CUX1: variants seen among roughly 807,000 people sequenced by gnomAD.
CUX1 encodes the protein cut like homeobox 1.
In CUX1, 31 loss-of-function variants were observed where a neutral mutation model predicts 158.8. That is an observed-to-expected ratio of 0.20 (90% CI 0.15 to 0.26). The LOEUF is 0.26. CUX1 is among the 10% of genes least tolerant of loss of function. CUX1 has a pLI of 1.00. For missense variants in CUX1, 1,589 were observed against 2,014.6 expected, an observed-to-expected ratio of 0.79 and a Z score of 4.04; for synonymous variants, 879 against 862.1, an observed-to-expected ratio of 1.02 and a Z score of -0.34.
At position 102,219,285 on chromosome 7, in the gene CUX1, G is replaced by T. The variant is rs898023494; in HGVS notation, c.3131-8082G>T. Among the ~76,000 whole-genome samples the T allele has an allele frequency of 2.0e-5, 3 of 151,994 alleles. No homozygotes were observed. The East Asian group carries it at 5.8e-4, about 29-fold the overall frequency. On this transcript the variant is annotated intron_variant, in intron 20 of 23. Coordinates refer to ENST00000292535, the MANE Select transcript of CUX1 (RefSeq NM_181552.4). ...TGGCACCCATTGGTGGGGGTGGGGG[G>T]GACATTGATCTTTCCTGGAGTGGGG...
chr7:102,042,941 C>T (rs1475986392), intron 3 of CUX1, among the ~76,000 whole-genome samples: 1 of 151,952 alleles, frequency 6.6e-6, no homozygotes, highest in Non-Finnish European at 1.5e-5. Context: ...AGGCTCCTGG[C>T]CAGGCTAATT....
chr7:101,867,568 A>G (rs1798062367), intron 1 of CUX1, among the ~76,000 whole-genome samples: 1 of 152,204 alleles, frequency 6.6e-6, no homozygotes, highest in African/African-American at 2.4e-5. Flanking sequence ...GCCACGCTTA[A>G]TAAACAGTCT....
At chr7:101,885,882 C>T (rs1010150513) in intron 1 of CUX1, among the ~76,000 whole-genome samples, 7 of 152,234 alleles carry the variant, frequency 4.6e-5, no homozygotes, top group African/African-American at 1.4e-4. Context: ...TTGTGCTACT[C>T]GGTCTCTCCC....
chr7:101,880,014 C>T (rs1425783529), intron 1 of CUX1, among the ~76,000 whole-genome samples: 2 of 151,980 alleles, frequency 1.3e-5, no homozygotes, highest in African/African-American at 2.4e-5. Flanking sequence ...GGAGAGGAGG[C>T]GTTTTTGGAT....
Position 102,252,796 on chromosome 7 carries a change from T to C in CUX1, c.*3754T>C. 1 of 985,498 alleles carries C rather than the reference T, an allele frequency of 1.0e-6. No individual in the cohort carries two copies. Among genetic ancestry groups the C allele is most frequent in the East Asian group, 1.1e-4 (1 of 8,814 alleles). The allele number at this position is 985,498 out of a possible 1,614,324, so 61.0% of individuals were successfully genotyped here. A position where few individuals can be genotyped will look rare whatever the true frequency, so the allele number is the denominator to read the frequency against. On this transcript the variant is annotated 3_prime_UTR_variant, in exon 24 of 24. Coordinates refer to ENST00000292535, the MANE Select transcript of CUX1 (RefSeq NM_181552.4). ...CTGTATCAGTGAAGACATCTGTGGT[T>C]TCTGCTCACCAGACCTCTCTTTAGA... is the stretch of plus-strand genomic sequence containing the variant.
At chr7:102,176,058 C>T (rs1363053639) in intron 10 of CUX1, among the ~76,000 whole-genome samples, 1 of 152,210 alleles carries the variant, frequency 6.6e-6, no homozygotes, top group Non-Finnish European at 1.5e-5. Context: ...TCGCTCCAGC[C>T]CCCCAGGGCC....
Position 101,887,842 on chromosome 7 carries a change from C to CCTTTTTTTTTTTTTTTTTTTTTTTTTTTT in CUX1, c.31-28273_31-28272insCTTTTTTTTTTTTTTTTTTTTTTTTTTTT, listed in dbSNP as rs1562966470. Among the ~76,000 whole-genome samples the CCTTTTTTTTTTTTTTTTTTTTTTTTTTTT allele has an allele frequency of 2.2e-5, 3 of 135,038 alleles. 1 individual carries two copies. The allele number at this position is 135,038 out of a possible 152,430, so 88.6% of individuals were successfully genotyped here. On this transcript the variant is annotated intron_variant, in intron 1 of 23. Transcript: ENST00000292535. The stretch of plus-strand genomic sequence containing the variant: ...CCACTGGATCTGGTGATGACGGTGA[C>CCTTTTTTTTTTTTTTTTTTTTTTTTTTTT]ATTTTTTTTTTTTTTTTTTTTTGTT...
At chr7:102,280,071 C>G (rs150890071) in exon 19 of CUX1, 5 of 1,610,722 alleles carry the variant, frequency 3.1e-6, no homozygotes, top group Middle Eastern at 1.7e-4. Context: ...CTGCGGTACT[C>G]GTCCCAGTAC....
At chr7:102,118,048 C>A (rs1831621644) in intron 8 of CUX1, among the ~76,000 whole-genome samples, 1 of 152,354 alleles carries the variant, frequency 6.6e-6, no homozygotes, top group African/African-American at 2.4e-5. Context: ...AGACCTCCCC[C>A]ACTGCCTTTG....
At chr7:101,828,476 T>C (rs1318951554) in intron 1 of CUX1, among the ~76,000 whole-genome samples, 1 of 151,978 alleles carries the variant, frequency 6.6e-6, no homozygotes, top group Non-Finnish European at 1.5e-5. Context: ...ACAGCCTGAG[T>C]GGGAGGAAAC....
chr7:101,841,373 C>T (rs1001356640), intron 1 of CUX1, among the ~76,000 whole-genome samples: 11 of 151,682 alleles, frequency 7.3e-5, no homozygotes, highest in South Asian at 2.1e-4. Flanking sequence ...TACAACTCTT[C>T]TCTTTATTTT....
At chr7:102,205,412 C>T (rs1240083219) in intron 20 of CUX1, among the ~76,000 whole-genome samples, 2 of 152,178 alleles carry the variant, frequency 1.3e-5, no homozygotes, top group African/African-American at 4.8e-5. Flanking sequence ...CCTTTGTCGG[C>T]CCAGAGCCTT....
chr7:102,276,947 A>T (rs1791646754), intron 17 of CUX1, among the ~76,000 whole-genome samples: 1 of 152,188 alleles, frequency 6.6e-6, no homozygotes, highest in Non-Finnish European at 1.5e-5. Context: ...TGTTTATGTT[A>T]TGGGTATTAT....
At chr7:102,239,935 C>T (rs917930958) in intron 23 of CUX1, among the ~76,000 whole-genome samples, 7 of 151,942 alleles carry the variant, frequency 4.6e-5, no homozygotes, top group East Asian at 1.9e-4. Flanking sequence ...TTAGTAGAGA[C>T]GGGGTTTCAC....
chr7:101,974,751 T>C (rs1812431070), intron 2 of CUX1, among the ~76,000 whole-genome samples: 1 of 152,242 alleles, frequency 6.6e-6, no homozygotes, highest in Admixed American at 6.5e-5. Context: ...TCCTTAGTCA[T>C]CTCTATTTTC....
chr7:102,225,231 A>G (rs1463684186), intron 20 of CUX1, among the ~76,000 whole-genome samples: 1 of 152,206 alleles, frequency 6.6e-6, no homozygotes, highest in African/African-American at 2.4e-5. Flanking sequence ...CTGATTTCCC[A>G]GGTCAAGGAC....
At chr7:101,904,541 T>A (rs1802537675) in intron 1 of CUX1, among the ~76,000 whole-genome samples, 1 of 151,794 alleles carries the variant, frequency 6.6e-6, no homozygotes, top group Non-Finnish European at 1.5e-5. Flanking sequence ...TACTGATACA[T>A]ATCAAATGTA....
chr7:102,109,177 A>G (rs1830652920), intron 6 of CUX1, among the ~76,000 whole-genome samples: 2 of 152,224 alleles, frequency 1.3e-5, no homozygotes, highest in South Asian at 4.1e-4. Flanking sequence ...ATTCTCAAAA[A>G]CAAATAATAA....
chr7:101,932,455 A>G (rs1806396584), intron 2 of CUX1: 1 of 399,548 alleles, frequency 2.5e-6, no homozygotes, highest in Non-Finnish European at 5.1e-6. Flanking sequence ...GCACTTTTGC[A>G]TTTTAAAACG....
Sources: gnomAD v4.1 joint callset for allele counts (sites outside exome capture counted in the v4.1 genomes callset) on GRCh38, gnomAD v4.1.1 for gene constraint, MANE v1.5 for transcripts, NCBI Gene and HGNC (gene_info 2026-07-23, HGNC 2026-07-21) for gene names.